IPP: variants seen among roughly 807,000 people sequenced by gnomAD.
The protein encoded by IPP is actin-binding protein IPP.
A neutral mutation model predicts 64.1 loss-of-function variants in IPP; 41 were observed. That is an observed-to-expected ratio of 0.64 (90% CI 0.50 to 0.83). The LOEUF is 0.83. IPP is among the 40% of genes least tolerant of loss of function. The pLI is 0.00. For missense variants in IPP, 649 were observed against 703.0 expected (o/e 0.92, Z 0.87); for synonymous variants, 214 against 235.2 (o/e 0.91, Z 0.83).
At chr1:45,717,351 C>T (rs1182129299) in intron 6 of IPP, among the ~76,000 whole-genome samples, 2 of 151,812 alleles carry the variant, frequency 1.3e-5, no homozygotes, top group Admixed American at 6.6e-5. Context: ...TGGTATTTTG[C>T]AAAACTACCT....
At chr1:45,696,797 C>G (rs1283495942), downstream of IPP, 8 of 152,200 alleles carry the variant, frequency 5.3e-5, no homozygotes, top group African/African-American at 1.7e-4. Context: ...AAAACAAAAA[C>G]AAAACCAATC....
rs1557753480 is a variant in IPP at position 45,729,715 on chromosome 1, C to A, written c.779G>T (p.Cys260Phe). Residue 260 changes from cysteine (C) to phenylalanine (F), a missense_variant, in exon 4 of 9, where the codon TGT becomes TTT. Physicochemically the swap from Cys to Phe is radical, Grantham distance 205 (BLOSUM62 -2). Transcript: ENST00000396478. ...CTCTTTGGGAGATTTGCATACTTCA[C>A]AGTACTCTTTCAGAAGTGTTTGCAA... ...VALQTLLKEYCEVCKSPKENK... is the reference protein window; with the variant it reads ...VALQTLLKEYFEVCKSPKENK... The A allele has an allele frequency of 6.2e-7, 1 of 1,606,620 alleles. No homozygotes were observed. The highest frequency in any genetic ancestry group is 2.2e-5 in the East Asian group (1 of 44,742).
Position 45,746,444 on chromosome 1 carries a change from C to G in IPP, c.-33G>C, listed in dbSNP as rs1161633129. The stretch of plus-strand genomic sequence containing the variant: ...GTAGATTAATTAAAAGGACTGTTGC[C>G]CATAATCTGTTACTACCCTGAAAAA... On this transcript the variant is annotated 5_prime_UTR_variant, in exon 2 of 9. Transcript: ENST00000396478. 6.4e-7 allele frequency: 1 copy of G among 1,555,886 alleles called. No homozygotes were observed. The highest frequency in any genetic ancestry group is 8.8e-7 in the Non-Finnish European group (1 of 1,138,942).
intron 4 of IPP, among the ~76,000 whole-genome samples, chr1:45,728,870 G>A (rs1645868329): frequency 6.6e-6 from 1 of 152,070 alleles, no homozygotes; most frequent in African/African-American, 2.4e-5. Context: ...GCTCACGGCT[G>A]TAATCCCAGC....
intron 8 of IPP, among the ~76,000 whole-genome samples, chr1:45,701,980 T>C (rs1355811310): frequency 1.3e-5 from 2 of 152,182 alleles, no homozygotes; most frequent in African/African-American, 2.4e-5. Flanking sequence ...TATTTGATCA[T>C]CTGAAATTAC....
At chr1:45,744,158 C>G (rs1646103668) in intron 2 of IPP, among the ~76,000 whole-genome samples, 1 of 152,062 alleles carries the variant, frequency 6.6e-6, no homozygotes, top group Non-Finnish European at 1.5e-5. Context: ...TAGTTTTTCT[C>G]TCTCTCTTTT....
chr1:45,748,543 G>C (rs1646171473), intron 1 of IPP, among the ~76,000 whole-genome samples: 1 of 152,042 alleles, frequency 6.6e-6, no homozygotes, highest in African/African-American at 2.4e-5. Flanking sequence ...GATAGCACAG[G>C]CCTGTAGTCC....
At chr1:45,748,382 AAG>A (rs1415495578) in intron 1 of IPP, among the ~76,000 whole-genome samples, 3 of 152,232 alleles carry the variant, frequency 2.0e-5, no homozygotes, top group African/African-American at 7.2e-5. Flanking sequence ...AAGAGGGTGA[AAG>A]GGGCTGGGCA....
At position 45,699,013 on chromosome 1, in the gene IPP, C is replaced by A; in HGVS notation, c.*953G>T. ...AAGTGCTGGGATTACAGGTGTGAGC[C>A]ACCATGCCCAGCCTAAAAAAGGGAG... is the stretch of plus-strand genomic sequence containing the variant. On this transcript the variant is annotated 3_prime_UTR_variant, in exon 9 of 9. Coordinates refer to ENST00000396478, the MANE Select transcript of IPP (RefSeq NM_005897.3). The A allele has an allele frequency of 1.0e-6, 1 of 984,420 alleles. No individual in the cohort carries two copies. The highest frequency in any genetic ancestry group is 1.2e-6 in the Non-Finnish European group (1 of 829,084). 61.0% of individuals were successfully genotyped at this position (984,420 alleles called of 1,614,324 possible).
intron 8 of IPP, among the ~76,000 whole-genome samples, chr1:45,705,630 AC>A (rs566869701): frequency 2.0e-5 from 3 of 152,008 alleles, no homozygotes; most frequent in Non-Finnish European, 4.4e-5. Flanking sequence ...ACATGGCAAA[AC>A]CCTGTCTCTA....
Position 45,714,430 on chromosome 1 carries a change from C to A in IPP, c.1346G>T (p.Gly449Val). ...GACTTCAAAAGAACGAAGTTCTATTCCTTCATTGCTGATGCCCCCAATTAC... is the reference window on the plus strand; with the variant it reads ...GACTTCAAAAGAACGAAGTTCTATTACTTCATTGCTGATGCCCCCAATTAC... ...IYVIGGISNE[G>V]IELRSFEVYD... Residue 449 changes from glycine to valine, a missense_variant, in exon 8 of 9, where the codon GGA becomes GTA. Gly to Val is a moderately radical substitution (Grantham distance 109). Transcript: ENST00000396478. 6.2e-7 allele frequency: 1 copy of A among 1,613,432 alleles called. No individual in the cohort carries two copies. The highest frequency in any genetic ancestry group is 1.1e-5 in the South Asian group (1 of 91,066).
intron 4 of IPP, among the ~76,000 whole-genome samples, chr1:45,728,505 CT>C (rs563735255): frequency 0.014 from 2,111 of 145,900 alleles, 35 homozygotes; most frequent in Non-Finnish European, 0.018. Flanking sequence ...CTTTTTTTTT[CT>C]TTTTTTGAGA....
In IPP at chr1:45,750,560, C is replaced by T. The variant is rs1055908838; in HGVS notation, c.-51+37G>A. On this transcript the variant is annotated intron_variant, in intron 1 of 8. Transcript: ENST00000396478. ...GGGAGTAGAAGAGGAAGTTCCCAAC[C>T]CCGTCACAGACGCGCCCGAACGCAG... is the stretch of plus-strand genomic sequence containing the variant. 4.6e-5 allele frequency: 7 copies of T among 152,604 alleles called. No individual in the cohort carries two copies. The East Asian group carries it at 1.2e-3, about 25-fold the overall frequency. 9.5% of individuals were successfully genotyped at this position (152,604 alleles called of 1,614,324 possible).
downstream of IPP, among the ~76,000 whole-genome samples, chr1:45,697,593 A>G (rs1261391213): frequency 6.6e-6 from 1 of 152,168 alleles, no homozygotes; most frequent in Admixed American, 6.5e-5. Context: ...TAATTCATTA[A>G]TGCAATTAAA....
intron 5 of IPP, among the ~76,000 whole-genome samples, chr1:45,721,276 G>C (rs1228448115): frequency 6.6e-6 from 1 of 152,216 alleles, no homozygotes; most frequent in Non-Finnish European, 1.5e-5. Flanking sequence ...AATGGTAAGA[G>C]TGGCTCACTG....
At chr1:45,696,584 A>G (rs1645389924), downstream of IPP, among the ~76,000 whole-genome samples, 1 of 152,194 alleles carries the variant, frequency 6.6e-6, no homozygotes, top group Non-Finnish European at 1.5e-5. Flanking sequence ...AGTTCGAGTC[A>G]AGCGTGACCA....
At chr1:45,694,376 G>A (rs1193409471), downstream of IPP, 2 of 954,304 alleles carry the variant, frequency 2.1e-6, no homozygotes, top group Admixed American at 2.0e-5. Context: ...GAATAATATA[G>A]TTATCCACTT....
intron 3 of IPP, among the ~76,000 whole-genome samples, chr1:45,738,865 A>AAC (rs1646018971): frequency 1.3e-5 from 2 of 149,676 alleles, no homozygotes; most frequent in African/African-American, 4.9e-5. Context: ...AAAAAAAAAA[A>AAC]CAAGAAAAAA....
downstream of IPP, among the ~76,000 whole-genome samples, chr1:45,695,131 TCA>T (rs1397536596): frequency 1.3e-5 from 2 of 152,184 alleles, no homozygotes; most frequent in Non-Finnish European, 2.9e-5. Flanking sequence ...ATCTTTTAAA[TCA>T]CAGAGAAGCT....
Sources: gnomAD v4.1 joint callset for allele counts (sites outside exome capture counted in the v4.1 genomes callset) on GRCh38, gnomAD v4.1.1 for gene constraint, MANE v1.5 for transcripts, NCBI Gene and HGNC (gene_info 2026-07-23, HGNC 2026-07-21) for gene names.